TRAPPC3L: variants seen among roughly 807,000 people sequenced by gnomAD.
TRAPPC3L encodes trafficking protein particle complex subunit 3L, also known as trafficking protein particle complex subunit 3-like protein.
TRAPPC3L carries 23 observed loss-of-function variants against 23.7 expected under a neutral mutation model. The observed-to-expected ratio is 0.97, with a 90% CI of 0.70 to 1.37. The LOEUF (loss-of-function observed/expected upper bound fraction) is 1.37, where lower values mean the gene tolerates loss of function less well. Ranked by LOEUF, TRAPPC3L falls within the 40% of genes most tolerant of loss-of-function variation. The pLI is 0.00. For synonymous variants in TRAPPC3L, 81 were observed against 77.9 expected, an observed-to-expected ratio of 1.04 and a Z score of -0.21; for missense variants, 212 against 216.8, an observed-to-expected ratio of 0.98 and a Z score of 0.14.
chr6:116,528,137 A>G (rs1385277713), intron 3 of TRAPPC3L, among the ~76,000 whole-genome samples: 2 of 152,224 alleles, frequency 1.3e-5, no homozygotes, highest in African/African-American at 4.8e-5. Context: ...CTAAGAATCA[A>G]CCCCTAAGAG....
At chr6:116,504,348 G>A (rs894117056) in intron 3 of TRAPPC3L, among the ~76,000 whole-genome samples, 3 of 152,136 alleles carry the variant, frequency 2.0e-5, no homozygotes, top group Non-Finnish European at 4.4e-5. Context: ...TTGAATCTCT[G>A]AATAGACTAA....
chr6:116,508,770 C>G (rs979349045), intron 3 of TRAPPC3L, among the ~76,000 whole-genome samples: 4 of 152,064 alleles, frequency 2.6e-5, no homozygotes, highest in Admixed American at 6.6e-5. Context: ...AGAAGTGGAA[C>G]AAGACAGGGA....
intron 3 of TRAPPC3L, among the ~76,000 whole-genome samples, chr6:116,535,283 G>A (rs1250386842): frequency 1.3e-5 from 2 of 152,204 alleles, no homozygotes; most frequent in East Asian, 1.9e-4. Flanking sequence ...CTTGCTTGGA[G>A]TCACACAGTG....
In TRAPPC3L at chr6:116,540,406, C is replaced by G; in HGVS notation, c.197G>C (p.Gly66Ala). Residue 66 changes from glycine to alanine, a missense_variant, in exon 3 of 5, where the codon GGA (glycine) becomes GCA (alanine). By Grantham distance (60) the Gly-to-Ala change is moderately conservative. Transcript: ENST00000368602. ...AATTTCTGAATAACTATGGCATCTT[C>G]CCACGCAGGATCGAGCCAAAAAGTC... The part of the protein sequence containing the change: ...VEDFLARSCV[G>A]RCHSYSEIID... The G allele has an allele frequency of 1.3e-6, 2 of 1,551,298 alleles. No individual in the cohort carries two copies. The highest frequency in any genetic ancestry group is 8.7e-7 in the Non-Finnish European group (1 of 1,146,736).
Position 116,545,541 on chromosome 6 carries a change from C to A in TRAPPC3L, c.-27G>T. ...GTGCTTGATAGATGAAGAATATGAT[C>A]TTCAATTTCTCTTCTTTTGCCTGTT... is the stretch of plus-strand genomic sequence containing the variant. On this transcript the variant is annotated 5_prime_UTR_variant, in exon 1 of 5. Transcript: ENST00000368602. 6.5e-7 allele frequency: 1 copy of A among 1,542,320 alleles called. No individual in the cohort carries two copies. The highest frequency in any genetic ancestry group is 8.8e-7 in the Non-Finnish European group (1 of 1,141,036).
intron 3 of TRAPPC3L, among the ~76,000 whole-genome samples, chr6:116,510,287 A>G (rs1223886700): frequency 6.6e-6 from 1 of 151,916 alleles, no homozygotes; most frequent in Non-Finnish European, 1.5e-5. Context: ...CTTTCCTTCT[A>G]TGTATTTATT....
chr6:116,519,703 A>G (rs1051172), intron 3 of TRAPPC3L: 62,307 of 152,080 alleles, frequency 0.41, 14,471 homozygotes, highest in Middle Eastern at 0.6. Context: ...TACATAAGAG[A>G]AAAGGATTGG....
At chr6:116,535,874 A>C (rs1466774042) in intron 3 of TRAPPC3L, among the ~76,000 whole-genome samples, 1 of 152,234 alleles carries the variant, frequency 6.6e-6, no homozygotes, top group African/African-American at 2.4e-5. Flanking sequence ...GGCTTTTCTT[A>C]CTATGTGTCC....
At chr6:116,507,991 C>T (rs1003933544) in intron 3 of TRAPPC3L, among the ~76,000 whole-genome samples, 2 of 152,144 alleles carry the variant, frequency 1.3e-5, no homozygotes, top group African/African-American at 4.8e-5. Context: ...TTTCTTTTCA[C>T]AAAATACACA....
At chr6:116,532,910 C>T (rs1772830768) in intron 3 of TRAPPC3L, among the ~76,000 whole-genome samples, 1 of 152,224 alleles carries the variant, frequency 6.6e-6, no homozygotes, top group Non-Finnish European at 1.5e-5. Context: ...AACATTACAA[C>T]TCTTGCTTCA....
chr6:116,499,001 G>C (rs1292382629), intron 4 of TRAPPC3L, among the ~76,000 whole-genome samples: 1 of 152,072 alleles, frequency 6.6e-6, no homozygotes, highest in African/African-American at 2.4e-5. Context: ...CTCCAGACAG[G>C]GATAAACAAC....
Position 116,495,929 on chromosome 6 carries a change from G to A in TRAPPC3L, c.*1025C>T, listed in dbSNP as rs572648814. On this transcript the variant is annotated 3_prime_UTR_variant, in exon 5 of 5. Transcript: ENST00000368602. ...TCCTTATATATTCTGGTTATTAATA[G>A]CACAAGGGTGTCAGATACATAGTTT... 1.3e-5 allele frequency: 2 copies of A among 152,186 alleles called. No homozygotes were observed. The highest frequency in any genetic ancestry group is 4.8e-5 in the African/African-American group (2 of 41,514). 9.4% of individuals were successfully genotyped at this position (152,186 alleles called of 1,614,324 possible). A position where few individuals can be genotyped will look rare whatever the true frequency, so the allele number is the denominator to read the frequency against.
chr6:116,543,921 T>G (rs964172941), intron 1 of TRAPPC3L: 3 of 1,354,896 alleles, frequency 2.2e-6, no homozygotes, highest in African/African-American at 2.9e-5. Flanking sequence ...ATGTGATATT[T>G]CCTTATAGTT....
chr6:116,527,519 CA>C (rs34686241), intron 3 of TRAPPC3L, among the ~76,000 whole-genome samples: 14,584 of 112,444 alleles, frequency 0.13, 523 homozygotes, highest in Admixed American at 0.19. Context: ...CGTCTCAAAA[CA>C]AAAAAAAAAA....
At chr6:116,527,713 T>TAA (rs1052270302) in intron 3 of TRAPPC3L, among the ~76,000 whole-genome samples, 23 of 152,238 alleles carry the variant, frequency 1.5e-4, no homozygotes, top group Non-Finnish European at 2.6e-4. Flanking sequence ...CCAAATAACT[T>TAA]AAACAGCAGA....
At chr6:116,505,458 G>A (rs927781533) in intron 3 of TRAPPC3L, among the ~76,000 whole-genome samples, 1 of 152,174 alleles carries the variant, frequency 6.6e-6, no homozygotes, top group African/African-American at 2.4e-5. Flanking sequence ...GTAATTTATA[G>A]ATTCAACGCC....
intron 3 of TRAPPC3L, among the ~76,000 whole-genome samples, chr6:116,514,710 G>T (rs939176350): frequency 2.0e-5 from 3 of 152,190 alleles, no homozygotes; most frequent in African/African-American, 7.2e-5. Context: ...TGAGTCAAAG[G>T]TTGGGAACCA....
At chr6:116,538,224 A>G (rs900583641) in intron 3 of TRAPPC3L, among the ~76,000 whole-genome samples, 1 of 152,186 alleles carries the variant, frequency 6.6e-6, no homozygotes, top group African/African-American at 2.4e-5. Context: ...CTAATAATAG[A>G]CAGTAAGAAA....
chr6:116,534,883 T>G (rs1583286934), intron 3 of TRAPPC3L, among the ~76,000 whole-genome samples: 1 of 152,310 alleles, frequency 6.6e-6, no homozygotes, highest in East Asian at 1.9e-4. Context: ...TTTCAAGTTT[T>G]TTAAGTCTTT....
Sources: gnomAD v4.1 joint callset for allele counts (sites outside exome capture counted in the v4.1 genomes callset) on GRCh38, gnomAD v4.1.1 for gene constraint, MANE v1.5 for transcripts, NCBI Gene and HGNC (gene_info 2026-07-23, HGNC 2026-07-21) for gene names.